Variants in LGR6 observed in about 807,000 individuals in gnomAD.
LGR6 encodes leucine-rich repeat-containing G protein-coupled receptor 6.
A neutral mutation model predicts 69.4 loss-of-function variants in LGR6; 45 were observed. The observed-to-expected ratio is 0.65, with a 90% CI of 0.51 to 0.83. LGR6 has a LOEUF of 0.83. Among genes scored for constraint, LGR6 ranks in the 40% least tolerant of loss-of-function variants. LGR6 has a pLI of 0.00. For synonymous variants in LGR6, 538 were observed against 555.0 expected, an observed-to-expected ratio of 0.97 and a Z score of 0.43; for missense variants, 1,108 against 1,246.7, an observed-to-expected ratio of 0.89 and a Z score of 1.68.
At chr1:202,214,990 GGTGTGTGTGTGTGTGTGT>G (rs3221675) in intron 1 of LGR6, among the ~76,000 whole-genome samples, 4 of 145,524 alleles carry the variant, frequency 2.7e-5, no homozygotes, top group African/African-American at 1.0e-4. Flanking sequence ...GGTGCACCTG[GGTGTGTGTGTGTGTGTGT>G]GTGTGTGTGT....
At chr1:202,269,058 C>T (rs1223601110) in intron 4 of LGR6, among the ~76,000 whole-genome samples, 1 of 152,112 alleles carries the variant, frequency 6.6e-6, no homozygotes, top group Non-Finnish European at 1.5e-5. Flanking sequence ...GAGCGTGCCA[C>T]CATGCCTGGC....
In LGR6 at chr1:202,194,014, G is replaced by T; in HGVS notation, c.25G>T (p.Ala9Ser). 7.2e-7 allele frequency: 1 copy of T among 1,381,956 alleles called. No individual in the cohort carries two copies. Among genetic ancestry groups the T allele is most frequent in the Admixed American group, 3.2e-5 (1 of 31,196 alleles). 85.6% of individuals were successfully genotyped at this position (1,381,956 alleles called of 1,614,324 possible). A position where few individuals can be genotyped will look rare whatever the true frequency, so the allele number is the denominator to read the frequency against. Residue 9 changes from alanine to serine, a missense_variant, in exon 1 of 18, where the codon GCG becomes TCG. Ala to Ser is a moderately conservative substitution (Grantham distance 99). Transcript: ENST00000367278. ...GATGCCCAGCCCGCCGGGGCTCCGG[G>T]CGCTATGGCTTTGCGCCGCGCTGTG... MPSPPGLR[A>S]LWLCAALCAS...
At chr1:202,266,322 G>A (rs1440730346) in intron 4 of LGR6, among the ~76,000 whole-genome samples, 1 of 152,078 alleles carries the variant, frequency 6.6e-6, no homozygotes, top group East Asian at 1.9e-4. Flanking sequence ...TAGGCTCTCG[G>A]ACGGACAGAG....
chr1:202,263,344 G>A (rs550094775), intron 4 of LGR6, among the ~76,000 whole-genome samples: 157 of 151,968 alleles, frequency 1.0e-3, no homozygotes, highest in Non-Finnish European at 1.8e-3. Context: ...GGCTGGTCTC[G>A]AACTCCTGAC....
At chr1:202,314,932 C>G (rs746171698) in intron 17 of LGR6, 50 bp downstream of exon 17, 1 of 1,339,724 alleles carries the variant, frequency 7.5e-7, no homozygotes, top group Admixed American at 1.7e-5. Flanking sequence ...AGAAAGGGCA[C>G]CCAACCACCT....
intron 4 of LGR6, among the ~76,000 whole-genome samples, chr1:202,236,867 G>A (rs900567294): frequency 3.3e-4 from 50 of 152,214 alleles, no homozygotes; most frequent in African/African-American, 1.2e-3. Flanking sequence ...AGACTTTGGC[G>A]CTGTTCAGTC....
intron 1 of LGR6, among the ~76,000 whole-genome samples, chr1:202,208,440 A>G (rs1268299961): frequency 6.6e-6 from 1 of 151,848 alleles, no homozygotes; most frequent in South Asian, 2.1e-4. Flanking sequence ...GAGTGAGCCA[A>G]TGAAGAGGAG....
intron 4 of LGR6, 134 bp downstream of exon 4, chr1:202,236,127 C>A: frequency 1.5e-6 from 1 of 688,080 alleles, no homozygotes; most frequent in Non-Finnish European, 2.5e-6. Flanking sequence ...GACAGCATGC[C>A]GCTCCTGGCT....
chr1:202,304,016 G>A (rs1038897574), intron 10 of LGR6, among the ~76,000 whole-genome samples: 3 of 152,142 alleles, frequency 2.0e-5, no homozygotes, highest in Admixed American at 1.3e-4. Context: ...CACCCTGCCC[G>A]AAGCCAAGCC....
intron 1 of LGR6, among the ~76,000 whole-genome samples, chr1:202,199,712 C>T (rs1658772613): frequency 6.6e-6 from 1 of 152,100 alleles, no homozygotes; most frequent in Non-Finnish European, 1.5e-5. Flanking sequence ...ATGGGGAGGC[C>T]CTGCTGGGCG....
At chr1:202,221,761 G>T (rs3010070) in intron 1 of LGR6, among the ~76,000 whole-genome samples, 1 of 152,068 alleles carries the variant, frequency 6.6e-6, no homozygotes, top group African/African-American at 2.4e-5. Context: ...TCTTGTACAT[G>T]TCTACAAGTT....
At chr1:202,205,062 A>G (rs1659084844) in intron 1 of LGR6, among the ~76,000 whole-genome samples, 1 of 147,436 alleles carries the variant, frequency 6.8e-6, no homozygotes, top group Non-Finnish European at 1.5e-5. Context: ...AAACACACAC[A>G]CACCTAACAC....
chr1:202,237,189 C>A (rs539684557), intron 4 of LGR6, among the ~76,000 whole-genome samples: 20 of 152,362 alleles, frequency 1.3e-4, no homozygotes, highest in South Asian at 8.3e-4. Context: ...TTCTGCCCCC[C>A]CTTCCCAATG....
chr1:202,304,495 C>T (rs1265271685), intron 10 of LGR6, 64 bp from the exon 11 acceptor site: 9 of 1,185,004 alleles, frequency 7.6e-6, no homozygotes, highest in East Asian at 2.4e-5. Context: ...AGAGCTGGAG[C>T]GGGGTGGCTG....
At chr1:202,196,989 A>G (rs1171778248) in intron 1 of LGR6, 1 of 528,594 alleles carries the variant, frequency 1.9e-6, no homozygotes, top group Non-Finnish European at 3.9e-6. Context: ...ACACAGAGTT[A>G]AAATGAAAAA....
chr1:202,209,121 C>T (rs1659368131), intron 1 of LGR6, among the ~76,000 whole-genome samples: 1 of 152,120 alleles, frequency 6.6e-6, no homozygotes, highest in Non-Finnish European at 1.5e-5. Flanking sequence ...CTCCTCCTTC[C>T]TATCATAGTG....
chr1:202,262,935 C>CTTTTA (rs58749601), intron 4 of LGR6, among the ~76,000 whole-genome samples: 10,403 of 146,858 alleles, frequency 0.071, 489 homozygotes, highest in African/African-American at 0.12. Context: ...TGAAACTTGC[C>CTTTTA]TTTTATTTTA....
At chr1:202,217,466 A>C (rs1346698997) in intron 1 of LGR6, among the ~76,000 whole-genome samples, 1 of 64,074 alleles carries the variant, frequency 1.6e-5, no homozygotes, top group Non-Finnish European at 4.2e-5. Context: ...AACAAAAAAC[A>C]AAAAACCCCA....
chr1:202,201,263 A>T (rs962254525), intron 1 of LGR6, among the ~76,000 whole-genome samples: 1 of 152,208 alleles, frequency 6.6e-6, no homozygotes, highest in African/African-American at 2.4e-5. Flanking sequence ...CTCATCAGGA[A>T]CGTTCATTCT....
Sources: allele counts gnomAD v4.1 joint callset (sites outside exome capture counted in the v4.1 genomes callset), GRCh38; gene constraint gnomAD v4.1.1; transcripts MANE v1.5; gene names NCBI Gene and HGNC (gene_info 2026-07-23, HGNC 2026-07-21).